FLT4: variants seen among roughly 807,000 people sequenced by gnomAD.
FLT4 encodes fms related receptor tyrosine kinase 4.
FLT4 carries 30 observed loss-of-function variants against 163.2 expected under a neutral mutation model. That is an observed-to-expected ratio of 0.18 (90% CI 0.14 to 0.25). The LOEUF (loss-of-function observed/expected upper bound fraction) is 0.25, where lower values mean the gene tolerates loss of function less well. Among genes scored for constraint, FLT4 ranks in the 10% least tolerant of loss-of-function variants. FLT4 has a pLI of 1.00. For missense variants in FLT4, 1,510 were observed against 1,863.8 expected, an observed-to-expected ratio of 0.81 and a Z score of 3.50; for synonymous variants, 884 against 789.5, an observed-to-expected ratio of 1.12 and a Z score of -2.01.
Position 180,629,447 on chromosome 5 carries a change from C to T in FLT4, c.817-20G>A, listed in dbSNP as rs1194076777. 6 of 1,609,366 alleles carry T rather than the reference C, an allele frequency of 3.7e-6. No homozygotes were observed. In the East Asian group the frequency reaches 8.9e-5, roughly 24 times the overall value. The stretch of plus-strand genomic sequence containing the variant: ...CTCTGCCTGCCCGCACCCAGGGAAG[C>T]CCCGCGTCAGCAGGCGGGCTCCTGC... On this transcript the variant is annotated intron_variant, in intron 6 of 29. Coordinates refer to ENST00000261937, the MANE Select transcript of FLT4 (RefSeq NM_182925.5).
At position 180,623,600 on chromosome 5, in the gene FLT4, C is replaced by T. The variant is rs540521997; in HGVS notation, c.1548+335G>A. Among the ~76,000 whole-genome samples, 46 of 152,360 alleles carry T rather than the reference C, an allele frequency of 3.0e-4. No homozygotes were observed. The East Asian group carries it at 8.7e-3, about 29-fold the overall frequency. Reference sequence around the variant, plus strand: ...AGGCTGCGCCAGCGGCTCAGCAGCCCTCTGTGCAGACCTGGTCAGCCTCCA... The same window carrying T: ...AGGCTGCGCCAGCGGCTCAGCAGCCTTCTGTGCAGACCTGGTCAGCCTCCA... On this transcript the variant is annotated intron_variant, in intron 11 of 29. Coordinates refer to ENST00000261937, the MANE Select transcript of FLT4 (RefSeq NM_182925.5). The surrounding 1 kb of genome is among the most constrained non-coding windows in gnomAD (Gnocchi z 5.8).
rs1385657991 is a variant in FLT4 at position 180,619,723 on chromosome 5, G to A, written c.2589C>T (p.Ser863=). The A allele has an allele frequency of 1.9e-6, 3 of 1,612,616 alleles. No homozygotes were observed. The highest frequency in any genetic ancestry group is 1.1e-5 in the South Asian group (1 of 91,078). ...YGAFGKVVEA[S]AFGIHKGSSC... is the part of the protein sequence containing the mutation. ...TGCTGCCCTTGTGGATGCCGAAAGC[G>A]GAGGCTTCCACCACCTTCCCGAAGG... The change falls in exon 18 of 30, where the codon TCC becomes TCT. Residue 863 remains serine (S), a synonymous_variant. Coordinates refer to ENST00000261937, the MANE Select transcript of FLT4 (RefSeq NM_182925.5).
chr5:180,638,854 A>G (rs958687913), intron 1 of FLT4, among the ~76,000 whole-genome samples: 6 of 152,196 alleles, frequency 3.9e-5, no homozygotes, highest in Non-Finnish European at 1.5e-5. Context: ...TGTTTAAGTT[A>G]TATCTGTCCA....
intron 29 of FLT4, among the ~76,000 whole-genome samples, chr5:180,607,484 C>A (rs927137547): frequency 3.3e-5 from 5 of 151,398 alleles, no homozygotes; most frequent in Non-Finnish European, 5.9e-5. Context: ...AAAAAAAATA[C>A]AAAACAATTA....
At chr5:180,648,289 C>T (rs771016178) in intron 1 of FLT4, among the ~76,000 whole-genome samples, 2 of 152,218 alleles carry the variant, frequency 1.3e-5, no homozygotes. Flanking sequence ...GACCTGCCCC[C>T]TCTCCTGTCC....
At chr5:180,635,957 GTGGGTGGGTGGATGGATGAA>G (rs1764659675) in intron 1 of FLT4, among the ~76,000 whole-genome samples, 2 of 143,698 alleles carry the variant, frequency 1.4e-5, no homozygotes, top group Middle Eastern at 3.6e-3. Context: ...GGGTGGATGG[GTGGGTGGGTGGATGGATGAA>G]TGGGTGGGTG....
At chr5:180,618,726 G>A in intron 21 of FLT4, 44 bp downstream of exon 21, 2 of 1,563,446 alleles carry the variant, frequency 1.3e-6, no homozygotes, top group South Asian at 1.2e-5. Flanking sequence ...GGATATAACC[G>A]GGCCCGTCAG....
In FLT4 at chr5:180,636,558, C is replaced by CA. The variant is rs1012890624; in HGVS notation, c.59-4781dup. On this transcript the variant is annotated intron_variant, in intron 1 of 29. Coordinates refer to ENST00000261937, the MANE Select transcript of FLT4 (RefSeq NM_182925.5). This position sits in a 1 kb window ranked among gnomAD's most constrained non-coding sequence, Gnocchi z 4.3. ...GTAGCTCCTGGCTCACCATCCCCCC[C>CA]ACCCCAGCTCCTGCCCTTCTCCATG... 6.7e-5 allele frequency among the ~76,000 whole-genome samples: 10 copies of CA among 150,372 alleles called. 1 individual carries two copies. Among genetic ancestry groups the CA allele is most frequent in the African/African-American group, 2.2e-4 (9 of 40,798 alleles).
At chr5:180,631,217 T>C (rs974646674) in intron 2 of FLT4, among the ~76,000 whole-genome samples, 1 of 151,922 alleles carries the variant, frequency 6.6e-6, no homozygotes, top group African/African-American at 2.4e-5. Flanking sequence ...CTCACGCCTG[T>C]AATCCCAGCA....
chr5:180,649,014 G>A (rs970502546), intron 1 of FLT4, among the ~76,000 whole-genome samples: 1 of 152,162 alleles, frequency 6.6e-6, no homozygotes, highest in Admixed American at 6.5e-5. Context: ...CGCCCTCTGG[G>A]GGACCGACCG....
intron 1 of FLT4, among the ~76,000 whole-genome samples, chr5:180,643,747 C>A (rs760451475): frequency 6.6e-6 from 1 of 152,114 alleles, no homozygotes; most frequent in Non-Finnish European, 1.5e-5. Flanking sequence ...CAGCGTCTCA[C>A]ACCGAGGCTC....
At chr5:180,621,374 C>G in intron 13 of FLT4, 122 bp from the exon 14 acceptor site, 2 of 1,417,390 alleles carry the variant, frequency 1.4e-6, no homozygotes, top group Admixed American at 2.3e-5. Context: ...GTGCGCCGGG[C>G]AGGAGCGCGG....
chr5:180,619,790 T>C, intron 17 of FLT4, 21 bp from the exon 18 acceptor site: 2 of 1,581,130 alleles, frequency 1.3e-6, no homozygotes, highest in Non-Finnish European at 1.7e-6. Flanking sequence ...AGGGGGCCAG[T>C]TGCAGGTGAG....
intron 1 of FLT4, among the ~76,000 whole-genome samples, chr5:180,645,772 C>T (rs1048411474): frequency 1.8e-4 from 27 of 152,286 alleles, no homozygotes; most frequent in Admixed American, 1.3e-3. Flanking sequence ...TCAGTGTGAC[C>T]GGAAAACCCA....
In FLT4 at chr5:180,608,947, G is replaced by A. The variant is rs577272393; in HGVS notation, c.3893+21C>T. 79 of 1,598,422 alleles carry A rather than the reference G, an allele frequency of 4.9e-5. 1 individual carries two copies. In the South Asian group the frequency reaches 8.1e-4, roughly 16 times the overall value. On this transcript the variant is annotated intron_variant, in intron 29 of 29. Coordinates refer to ENST00000261937, the MANE Select transcript of FLT4 (RefSeq NM_182925.5). ...GGGCAACATCGATACCTGCAGTGCA[G>A]GAGGCTCACGAAGCCCTTACCTGAA...
At chr5:180,613,153 C>A in intron 24 of FLT4, 43 bp from the exon 25 acceptor site, 2 of 1,439,844 alleles carry the variant, frequency 1.4e-6, no homozygotes, top group Non-Finnish European at 9.7e-7. Flanking sequence ...AAGCCTCCTG[C>A]GGCTCAGCCC....
rs2127812128 is a variant in FLT4 at position 180,620,686 on chromosome 5, C to T, written c.2329G>A (p.Val777Met). 1 of 1,613,518 alleles carries T rather than the reference C, an allele frequency of 6.2e-7. No homozygotes were observed. Residue 777 changes from valine (V) to methionine (M), a missense_variant, in exon 16 of 30, where the codon GTG (valine) becomes ATG (methionine). This residue lies in a region of FLT4 where 878 missense variants were observed against 1,016.7 expected (regional missense o/e 0.86). Coordinates refer to ENST00000261937, the MANE Select transcript of FLT4 (RefSeq NM_182925.5). This position sits in a 1 kb window ranked among gnomAD's most constrained non-coding sequence, Gnocchi z 4.4. ...GSEDKGSMEIVILVGTGVIAV... is the reference protein window; with the variant it reads ...GSEDKGSMEIMILVGTGVIAV... ...ATGACGCCGGTACCGACAAGGATCA[C>T]GATCTCCATGCTGCCCTTATCCTCG...
rs140108549 is a variant in FLT4, at chr5:180,624,046, C to T, written c.1437G>A (p.Gln479=). 6.2e-7 allele frequency: 1 copy of T among 1,612,546 alleles called. No homozygotes were observed. The highest frequency in any genetic ancestry group is 1.3e-5 in the African/African-American group (1 of 74,948). Residue 479 remains glutamine (Q), a synonymous_variant, in exon 11 of 30, where the codon CAG becomes CAA. Transcript: ENST00000261937. ...CACGGCACTGTGGCATGAGGTCTTGCTGCTGCCGCCGCCGGCTGCCAGGAC... is the reference window on the plus strand; with the variant it reads ...CACGGCACTGTGGCATGAGGTCTTGTTGCTGCCGCCGCCGGCTGCCAGGAC... ...FAQRSLRRRQ[Q]QDLMPQCRDW...
In FLT4 at chr5:180,620,618, G is replaced by A; in HGVS notation, c.2397C>T (p.Asn799=). 1 of 1,607,602 alleles carries A rather than the reference G, an allele frequency of 6.2e-7. No homozygotes were observed. Residue 799 remains asparagine (N), a synonymous_variant, in exon 16 of 30, where the codon AAC becomes AAT. Transcript: ENST00000261937. The surrounding 1 kb of genome is among the most constrained non-coding windows in gnomAD (Gnocchi z 4.4). The part of the protein sequence containing the change: ...FWVLLLLIFC[N]MRRPAHADIK... ...GGGGAGGGACACTCACCCTCCTCAT[G>A]TTACAGAAGATGAGGAGGAGGAGGA... is the stretch of plus-strand genomic sequence containing the variant.
Sources: allele counts gnomAD v4.1 joint callset (sites outside exome capture counted in the v4.1 genomes callset), GRCh38; gene constraint gnomAD v4.1.1; regional missense constraint gnomAD v4.1.1; non-coding constraint Gnocchi (gnomAD v3.1); transcripts MANE v1.5; gene names NCBI Gene and HGNC (gene_info 2026-07-23, HGNC 2026-07-21).